CASTOR1: variants seen among roughly 807,000 people sequenced by gnomAD.
The protein encoded by CASTOR1 is cytosolic arginine sensor for mTORC1 subunit 1.
A neutral mutation model predicts 33.7 loss-of-function variants in CASTOR1; 18 were observed. The ratio of observed to expected loss-of-function variants is 0.53; its 90% confidence interval spans 0.37 to 0.79. The LOEUF is 0.79. CASTOR1 is among the 30% of genes least tolerant of loss of function. CASTOR1 has a pLI of 0.00. For synonymous variants in CASTOR1, 175 were observed against 190.6 expected (o/e 0.92, Z 0.67); for missense variants, 362 against 446.3 (o/e 0.81, Z 1.70).
chr22:30,285,675 C>A lies in CASTOR1; in HGVS notation c.935G>T (p.Gly312Val). ...NFDHALVPEDGIGSVIEVLQR... is the reference protein window; with the variant it reads ...NFDHALVPEDVIGSVIEVLQR... ...GAGGACCTCGATGACGCTGCCGATA[C>A]CGTCCTCGGGCACCTGAGGGCAGGT... The change falls in exon 9 of 9, where the codon GGT (glycine) becomes GTT (valine). Residue 312 changes from glycine (G) to valine (V), a missense_variant. Transcript: ENST00000407689. 3 of 1,568,392 alleles carry A rather than the reference C, an allele frequency of 1.9e-6. No individual in the cohort carries two copies. Among genetic ancestry groups the A allele is most frequent in the Non-Finnish European group, 2.6e-6 (3 of 1,157,126 alleles).
chr22:30,287,861 A>G, intron 2 of CASTOR1: 1 of 612,234 alleles, frequency 1.6e-6, no homozygotes, highest in Non-Finnish European at 3.0e-6. Flanking sequence ...CAGTTTCCTC[A>G]TCTGTAAAAT....
chr22:30,289,450 G>A lies in CASTOR1; in HGVS notation c.48C>T (p.Ala16=), dbSNP rs772460830. The A allele has an allele frequency of 3.1e-6, 5 of 1,599,288 alleles. No individual in the cohort carries two copies. Among genetic ancestry groups the A allele is most frequent in the Admixed American group, 3.4e-5 (2 of 59,530 alleles). The change falls in exon 1 of 9, where the codon GCC becomes GCT. Residue 16 remains alanine, a synonymous_variant. Transcript: ENST00000407689. The part of the protein sequence containing the change: ...LEHRVRVLSV[A]RPGLWLYTHP... Reference sequence around the variant, plus strand: ...GGGTGTAGAGCCAGAGACCGGGACGGGCGACGCTCAGCACCCGCACCCGGT... The same window carrying A: ...GGGTGTAGAGCCAGAGACCGGGACGAGCGACGCTCAGCACCCGCACCCGGT...
rs1353991023 is a variant in CASTOR1, at chr22:30,287,438, C to T, written c.307G>A (p.Ala103Thr). The change falls in exon 3 of 9, where the codon GCG (alanine) becomes ACG (threonine). Residue 103 changes from alanine (A) to threonine (T), a missense_variant. Transcript: ENST00000407689. The part of the protein sequence containing the change: ...GVTKIARSVI[A>T]PLAEHHVSVL... ...GACACGTGGTGCTCGGCCAGTGGCG[C>T]GATGACCGAACGGGCGATCTTGGTG... 6.2e-6 allele frequency: 10 copies of T among 1,613,316 alleles called. No individual in the cohort carries two copies. The highest frequency in any genetic ancestry group is 2.7e-5 in the African/African-American group (2 of 74,930).
At chr22:30,287,096 G>C (rs1473166894) in intron 4 of CASTOR1, 59 bp downstream of exon 4, 1 of 1,560,244 alleles carries the variant, frequency 6.4e-7, no homozygotes, top group South Asian at 1.2e-5. Context: ...CAAAAGGGAA[G>C]GGACCCAGTG....
At chr22:30,287,977 T>C (rs1569156548) in intron 2 of CASTOR1, 1 of 445,408 alleles carries the variant, frequency 2.2e-6, no homozygotes, top group Non-Finnish European at 4.5e-6. Context: ...GGCTGGGGGA[T>C]TGCCTTCCCC....
In CASTOR1 at chr22:30,285,826, G is replaced by GCTCCCCCTGCCCCAGCCCTTGGTA. The variant is rs756796691; in HGVS notation, c.921+5_921+6insTACCAAGGGCTGGGGCAGGGGGAG. ...TCTCCCCTCTGCCCCAGCCCTTGGT[G>GCTCCCCCTGCCCCAGCCCTTGGTA]CTCACCAGGGCGTGGTCGAAGTTGA... is the stretch of plus-strand genomic sequence containing the variant. On this transcript the variant is annotated splice_donor_region_variant and intron_variant, in intron 8 of 8. Coordinates refer to ENST00000407689, the MANE Select transcript of CASTOR1 (RefSeq NM_001037666.3). 2 of 1,603,878 alleles carry GCTCCCCCTGCCCCAGCCCTTGGTA rather than the reference G, an allele frequency of 1.2e-6. No homozygotes were observed. The highest frequency in any genetic ancestry group is 2.2e-5 in the East Asian group (1 of 44,698).
chr22:30,287,378 T>C lies in CASTOR1; in HGVS notation c.367A>G (p.Ile123Val), dbSNP rs1259280906. ...LMLSTYQTDF[I>V]LVREQDLSVV... ...AGCACCAGCAGGAAACTCACCAGGA[T>C]GAAGTCCGTCTGGTAAGTGGACAGC... Residue 123 changes from isoleucine to valine, a missense_variant, in exon 3 of 9, where the codon ATC (isoleucine) becomes GTC (valine). Transcript: ENST00000407689. The C allele has an allele frequency of 6.2e-7, 1 of 1,611,100 alleles. No homozygotes were observed. Among genetic ancestry groups the C allele is most frequent in the Admixed American group, 1.7e-5 (1 of 59,946 alleles).
Position 30,289,467 on chromosome 22 carries a change from G to T in CASTOR1, c.31C>A (p.Arg11=). The T allele has an allele frequency of 6.3e-7, 1 of 1,597,752 alleles. No homozygotes were observed. MELHILEHRV[R]VLSVARPGLW... ...CCGGGACGGGCGACGCTCAGCACCC[G>T]CACCCGGTGTTCTAGGATGTGCAGC... The change falls in exon 1 of 9, where the codon CGG becomes AGG. Residue 11 remains arginine (R), a synonymous_variant. Coordinates refer to ENST00000407689, the MANE Select transcript of CASTOR1 (RefSeq NM_001037666.3).
rs1029346314 is a variant in CASTOR1 at position 30,286,153 on chromosome 22, G to A, written c.744-55C>T. ...CACCCCCATCCACCCCTGCCTGACC[G>A]TGAGCTCTGGGACAGGTACACCTGC... On this transcript the variant is annotated intron_variant, in intron 6 of 8. Transcript: ENST00000407689. 3.0e-5 allele frequency: 43 copies of A among 1,438,200 alleles called. No homozygotes were observed. In the East Asian group the frequency reaches 4.2e-4, roughly 14 times the overall value. 89.1% of individuals were successfully genotyped at this position (1,438,200 alleles called of 1,614,324 possible).
intron 1 of CASTOR1, 141 bp downstream of exon 1, chr22:30,289,244 C>A: frequency 1.5e-6 from 1 of 667,764 alleles, no homozygotes; most frequent in South Asian, 1.8e-5. Flanking sequence ...GGCCGGATGG[C>A]GGCCGGACGG....
chr22:30,289,244 CGGCCGGACGGG>C, intron 1 of CASTOR1, 130 bp downstream of exon 1: 1 of 667,764 alleles, frequency 1.5e-6, no homozygotes, highest in Non-Finnish European at 2.6e-6. Flanking sequence ...GGCCGGATGG[CGGCCGGACGGG>C]GAGAGTCCTC....
chr22:30,288,639 G>A, intron 2 of CASTOR1, 67 bp downstream of exon 2: 1 of 1,391,390 alleles, frequency 7.2e-7, no homozygotes. Flanking sequence ...AGCAACTGGT[G>A]AGAACCCTAC....
At chr22:30,287,862 T>C (rs1388852701) in intron 2 of CASTOR1, 2 of 613,610 alleles carry the variant, frequency 3.3e-6, no homozygotes, top group Non-Finnish European at 6.1e-6. Flanking sequence ...AGTTTCCTCA[T>C]CTGTAAAATG....
intron 2 of CASTOR1, among the ~76,000 whole-genome samples, chr22:30,288,338 G>A (rs1428350411): frequency 6.6e-6 from 1 of 151,908 alleles, no homozygotes; most frequent in Non-Finnish European, 1.5e-5. Context: ...CAGAGAGTAA[G>A]ACCAGGAGGA....
chr22:30,288,586 CGA>C (rs1929844976), intron 2 of CASTOR1, 118 bp downstream of exon 2: 1 of 795,266 alleles, frequency 1.3e-6, no homozygotes, highest in African/African-American at 1.8e-5. Flanking sequence ...ATTCGAACCC[CGA>C]CCCATCTGCT....
intron 8 of CASTOR1, 65 bp from the exon 9 acceptor site, chr22:30,285,753 C>T (rs1252068060): frequency 6.6e-7 from 1 of 1,515,782 alleles, no homozygotes; most frequent in Non-Finnish European, 8.9e-7. Flanking sequence ...CCCTGACTTC[C>T]TGGCCCAGCT....
In CASTOR1 at chr22:30,288,989, C is replaced by A. The variant is rs148626786; in HGVS notation, c.114-213G>T. ...TCCCGACCTCTCCAGGAACCCTCCA[C>A]CCCTCCACTCCTGGAGGGAGGAGAG... On this transcript the variant is annotated intron_variant, in intron 1 of 8. Transcript: ENST00000407689. 46 of 558,744 alleles carry A rather than the reference C, an allele frequency of 8.2e-5. No individual in the cohort carries two copies. The East Asian group carries it at 1.4e-3, about 17-fold the overall frequency. 34.6% of individuals were successfully genotyped at this position (558,744 alleles called of 1,614,324 possible).
Position 30,285,140 on chromosome 22 carries a change from C to T in CASTOR1, c.*480G>A, listed in dbSNP as rs1286156645. The T allele has an allele frequency of 6.5e-6, 1 of 153,938 alleles. No individual in the cohort carries two copies. Among genetic ancestry groups the T allele is most frequent in the East Asian group, 1.9e-4 (1 of 5,272 alleles). 9.5% of individuals were successfully genotyped at this position (153,938 alleles called of 1,614,324 possible). On this transcript the variant is annotated 3_prime_UTR_variant, in exon 9 of 9. Transcript: ENST00000407689. The stretch of plus-strand genomic sequence containing the variant: ...CAGTCACTACAAAGTCCTTTATTAA[C>T]AAGTCAATAAAAACAGAAGAGAGAG...
chr22:30,286,221 T>A, intron 6 of CASTOR1, 42 bp downstream of exon 6: 1 of 1,505,824 alleles, frequency 6.6e-7, no homozygotes, highest in Non-Finnish European at 9.2e-7. Flanking sequence ...TGCCTGGGAC[T>A]GGCTGGGGCC....
Sources: allele counts gnomAD v4.1 joint callset (sites outside exome capture counted in the v4.1 genomes callset), GRCh38; gene constraint gnomAD v4.1.1; transcripts MANE v1.5; gene names NCBI Gene and HGNC (gene_info 2026-07-23, HGNC 2026-07-21).